Variants in RBFOX1 observed in about 807,000 individuals in gnomAD.
RBFOX1 encodes the protein RNA binding fox-1 homolog 1.
Under a neutral mutation model 57.7 loss-of-function variants are expected in RBFOX1, and 8 were observed. The ratio of observed to expected loss-of-function variants is 0.14; its 90% confidence interval spans 0.08 to 0.25. RBFOX1 has a LOEUF of 0.25. Ranked by LOEUF, RBFOX1 falls within the 10% of genes least tolerant of loss-of-function variation. The pLI is 1.00. For synonymous variants in RBFOX1, 326 were observed against 222.4 expected, an observed-to-expected ratio of 1.47 and a Z score of -4.15; for missense variants, 611 against 548.5, an observed-to-expected ratio of 1.11 and a Z score of -1.14.
At chr16:7,308,295 C>CTTTT (rs749590434) in intron 4 of RBFOX1, among the ~76,000 whole-genome samples, 11 of 24,654 alleles carry the variant, frequency 4.5e-4, no homozygotes, top group Admixed American at 1.9e-3. Flanking sequence ...CCACCCAGAG[C>CTTTT]TGTTTTTTTT....
intron 1 of RBFOX1, among the ~76,000 whole-genome samples, chr16:6,084,787 A>T (rs112961688): frequency 8.8e-5 from 5 of 56,724 alleles, no homozygotes; most frequent in Non-Finnish European, 3.4e-4. Flanking sequence ...TATGTTTTGC[A>T]GGACAAACGT....
At chr16:7,048,727 A>G (rs1226967665) in intron 3 of RBFOX1, among the ~76,000 whole-genome samples, 4 of 151,978 alleles carry the variant, frequency 2.6e-5, no homozygotes, top group African/African-American at 9.7e-5. Context: ...GGTGTCTGTG[A>G]ATGTCTTTTC....
chr16:7,154,682 C>A (rs1052584219), intron 4 of RBFOX1, among the ~76,000 whole-genome samples: 1 of 134,858 alleles, frequency 7.4e-6, no homozygotes, highest in African/African-American at 3.0e-5. Flanking sequence ...AGACCCTCTT[C>A]CTTTGTGTGT....
chr16:6,308,720 C>T (rs913921294), intron 1 of RBFOX1, among the ~76,000 whole-genome samples: 46 of 152,110 alleles, frequency 3.0e-4, no homozygotes, highest in African/African-American at 1.0e-3. Context: ...CTGATTTATG[C>T]GAAAAGCAGG....
intron 4 of RBFOX1, among the ~76,000 whole-genome samples, chr16:7,466,317 A>G (rs995102246): frequency 1.5e-5 from 2 of 131,642 alleles, no homozygotes; most frequent in African/African-American, 5.6e-5. Flanking sequence ...AATAGAGATA[A>G]TAAAGGTTAA....
rs374132614 is a variant in RBFOX1, at chr16:6,995,404, C to G, written c.-15-56653C>G. 2.7e-5 allele frequency among the ~76,000 whole-genome samples: 4 copies of G among 150,388 alleles called. No individual in the cohort carries two copies. The East Asian group carries it at 5.9e-4, about 22-fold the overall frequency. Reference sequence around the variant, plus strand: ...TGGATTTTTCACTTTATTATTGTGACGTGTGATAGACCTATGGGGTGTTTT... The same window carrying G: ...TGGATTTTTCACTTTATTATTGTGAGGTGTGATAGACCTATGGGGTGTTTT... On this transcript the variant is annotated intron_variant, in intron 3 of 15. Coordinates refer to ENST00000550418, the MANE Select transcript of RBFOX1 (RefSeq NM_018723.4).
intron 1 of RBFOX1, among the ~76,000 whole-genome samples, chr16:5,316,455 G>A (rs1273395220): frequency 1.3e-5 from 2 of 152,158 alleles, no homozygotes; most frequent in Non-Finnish European, 2.9e-5. Flanking sequence ...CTTGAGGCCA[G>A]AGGCTTCTGA....
Position 5,648,640 on chromosome 16 carries a change from G to A in RBFOX1, c.318+49679G>A, listed in dbSNP as rs143063359. Among the ~76,000 whole-genome samples the A allele has an allele frequency of 1.8e-3, 267 of 152,210 alleles. 1 individual carries two copies. Among genetic ancestry groups the A allele is most frequent in the Non-Finnish European group, 3.2e-3 (216 of 68,012 alleles). On this transcript the variant is annotated intron_variant, in intron 3 of 19. Transcript: ENST00000641259. Reference sequence around the variant, plus strand: ...CTTACCCAACACGTCAAGAGTTGACGCTGAGAAACTCTGATCTAGAAGGAG... The same window carrying A: ...CTTACCCAACACGTCAAGAGTTGACACTGAGAAACTCTGATCTAGAAGGAG...
At chr16:5,417,516 G>T (rs898923212) in intron 1 of RBFOX1, among the ~76,000 whole-genome samples, 1 of 142,864 alleles carries the variant, frequency 7.0e-6, no homozygotes, top group African/African-American at 2.6e-5. Flanking sequence ...ACCGTGTGTG[G>T]CTTCTGGACA....
At chr16:6,774,014 GT>G (rs1451839548) in intron 3 of RBFOX1, 1 of 985,100 alleles carries the variant, frequency 1.0e-6, no homozygotes, top group African/African-American at 1.7e-5. Flanking sequence ...CAGAGACCAG[GT>G]AATCACAGTT....
intron 4 of RBFOX1, among the ~76,000 whole-genome samples, chr16:7,372,936 ATT>A (rs137947158): frequency 4.5e-4 from 66 of 146,848 alleles, no homozygotes; most frequent in East Asian, 1.4e-3. Context: ...TAGAAATTGC[ATT>A]TTTTTTTTTT....
chr16:6,938,731 A>C (rs1269170565), intron 3 of RBFOX1, among the ~76,000 whole-genome samples: 2 of 152,116 alleles, frequency 1.3e-5, no homozygotes, highest in Non-Finnish European at 1.5e-5. Context: ...CAGAAGTTTG[A>C]AACCAGTTTG....
chr16:6,997,409 G>A (rs922668548), intron 3 of RBFOX1, among the ~76,000 whole-genome samples: 2 of 152,144 alleles, frequency 1.3e-5, no homozygotes, highest in Non-Finnish European at 2.9e-5. Context: ...TTCCAAGAGG[G>A]AAACGGCTGC....
At chr16:7,192,233 T>C (rs1350277231) in intron 4 of RBFOX1, among the ~76,000 whole-genome samples, 4 of 152,240 alleles carry the variant, frequency 2.6e-5, no homozygotes, top group Non-Finnish European at 5.9e-5. Context: ...TTTATTGTTT[T>C]AGCCTCTTGG....
rs556964499 is a variant in RBFOX1, at chr16:7,178,236, A to T, written c.27+126138A>T. Among the ~76,000 whole-genome samples the T allele has an allele frequency of 5.9e-5, 9 of 152,340 alleles. No homozygotes were observed. The East Asian group carries it at 1.7e-3, about 29-fold the overall frequency. On this transcript the variant is annotated intron_variant, in intron 4 of 15. Coordinates refer to ENST00000550418, the MANE Select transcript of RBFOX1 (RefSeq NM_018723.4). ...CCTCCACACAGTGACCTAGTGATTC[A>T]ATTTGTCAGAGGCACTATCAGCCTG...
chr16:5,680,893 TTGTGTGTGTG>T (rs34949358), intron 3 of RBFOX1, among the ~76,000 whole-genome samples: 1 of 150,098 alleles, frequency 6.7e-6, no homozygotes, highest in East Asian at 2.0e-4. Context: ...GAGCTTGTAT[TTGTGTGTGTG>T]TGTGTGTGTG....
chr16:7,592,336 C>G (rs918690645), intron 7 of RBFOX1, among the ~76,000 whole-genome samples: 2 of 152,202 alleles, frequency 1.3e-5, no homozygotes, highest in Admixed American at 6.5e-5. Flanking sequence ...AAATGTATTT[C>G]TCTTTCCACC....
intron 4 of RBFOX1, among the ~76,000 whole-genome samples, chr16:5,968,295 A>C (rs747569117): frequency 1.3e-5 from 2 of 151,958 alleles, no homozygotes; most frequent in Non-Finnish European, 2.9e-5. Context: ...GGCTGGTCTC[A>C]AACTCCTGAC....
intron 5 of RBFOX1, among the ~76,000 whole-genome samples, chr16:7,578,914 C>G (rs989744843): frequency 1.3e-5 from 2 of 152,136 alleles, no homozygotes; most frequent in African/African-American, 4.8e-5. Flanking sequence ...AATGTAACGT[C>G]ATGTTATACA....
Sources: gnomAD v4.1 joint callset for allele counts (sites outside exome capture counted in the v4.1 genomes callset) on GRCh38, gnomAD v4.1.1 for gene constraint, MANE v1.5 for transcripts, NCBI Gene and HGNC (gene_info 2026-07-23, HGNC 2026-07-21) for gene names.